The following TTN variants were observed in gnomAD, a reference collection of about 807,000 sequenced individuals.
TTN encodes the protein titin, also known as connectin.
TTN carries 1,525 observed loss-of-function variants against 3,223.0 expected under a neutral mutation model. The ratio of observed to expected loss-of-function variants is 0.47; its 90% CI spans 0.45 to 0.49. TTN has a LOEUF of 0.49. Among genes scored for constraint, TTN ranks in the 20% least tolerant of loss-of-function variants. The pLI, the probability that TTN is intolerant of heterozygous loss-of-function variation, is 0.00. For missense variants in TTN, 40,786 were observed against 43,424.0 expected (o/e 0.94, Z 5.40); for synonymous variants, 14,094 against 15,161.0 (o/e 0.93, Z 5.17).
At position 178,532,526 on chromosome 2, in the gene TTN, T is replaced by C. The variant is rs1177374613; in HGVS notation, c.104089A>G (p.Ser34697Gly). 2 of 1,613,952 alleles carry C rather than the reference T, an allele frequency of 1.2e-6. No homozygotes were observed. Among genetic ancestry groups the C allele is most frequent in the Admixed American group, 3.3e-5 (2 of 60,012 alleles). The change falls in exon 358 of 363, where the codon AGT (serine) becomes GGT (glycine). Residue 34697 changes from serine to glycine, a missense_variant. Coordinates refer to ENST00000589042, the MANE Select transcript of TTN (RefSeq NM_001267550.2). Reference protein sequence around the residue: ...LELGFSASPPSRSPPHFELSS... With the variant: ...LELGFSASPPGRSPPHFELSS... ...AGCTCAAAGTGTGGAGGGCTTCGACTTGGGGGTGAAGCTGAAAAACCTAAC... is the reference window on the plus strand; with the variant it reads ...AGCTCAAAGTGTGGAGGGCTTCGACCTGGGGGTGAAGCTGAAAAACCTAAC...
chr2:178,562,204 A>G lies in TTN; in HGVS notation c.83928T>C (p.Ala27976=). Residue 27976 remains alanine (A), a synonymous_variant, in exon 326 of 363, where the codon GCT becomes GCC. Coordinates refer to ENST00000589042, the MANE Select transcript of TTN (RefSeq NM_001267550.2). ...ELPFHTFNVK[A]REQLKIDVPF... Reference sequence around the variant, plus strand: ...GCACATCAATCTTAAGTTGTTCTCTAGCCTTTACATTGAAAGTATGGAAAG... The same window carrying G: ...GCACATCAATCTTAAGTTGTTCTCTGGCCTTTACATTGAAAGTATGGAAAG... 1 of 1,612,824 alleles carries G rather than the reference A, an allele frequency of 6.2e-7. No homozygotes were observed. Among genetic ancestry groups the G allele is most frequent in the South Asian group, 1.1e-5 (1 of 90,938 alleles).
chr2:178,726,592 G>A (rs927791184), intron 69 of TTN: 2 of 152,252 alleles, frequency 1.3e-5, no homozygotes, highest in Non-Finnish European at 2.9e-5. Flanking sequence ...TTGTACCAAG[G>A]TATAGTCATA....
In TTN at chr2:178,608,752, A is replaced by G. The variant is rs1295267229; in HGVS notation, c.52259T>C (p.Val17420Ala). 1.9e-6 allele frequency: 3 copies of G among 1,612,664 alleles called. No homozygotes were observed. The highest frequency in any genetic ancestry group is 2.5e-6 in the Non-Finnish European group (3 of 1,179,242). ...GCAATGTCTAAGTGTTGAAGTGACA[A>G]CAATCCATTCTGAGTCGGGTTTTGT... Reference protein sequence around the residue: ...DKTKPDSEWIVVTSTLRHCKY... With the variant: ...DKTKPDSEWIAVTSTLRHCKY... Residue 17420 changes from valine to alanine, a missense_variant, in exon 274 of 363, where the codon GTT (valine) becomes GCT (alanine). Transcript: ENST00000589042.
chr2:178,651,257 A>T lies in TTN; in HGVS notation c.39611T>A (p.Val13204Asp). The T allele has an allele frequency of 6.2e-7, 1 of 1,613,056 alleles. No homozygotes were observed. The highest frequency in any genetic ancestry group is 8.5e-7 in the Non-Finnish European group (1 of 1,179,364). ...GTGACATGTACCTTTTGCTGGTGGG[A>T]CTTCTGGCTTTTTGGGAACAGCTAC... ...KKVAVPKKPE[V>D]PPAKVPEVPK... The change falls in exon 208 of 363, where the codon GTC (valine) becomes GAC (aspartate). Residue 13204 changes from valine to aspartate, a missense_variant. Val to Asp is a radical substitution (Grantham distance 152, BLOSUM62 -3). Transcript: ENST00000589042.
At position 178,681,088 on chromosome 2, in the gene TTN, C is replaced by A; in HGVS notation, c.33331G>T (p.Ala11111Ser). 6.3e-7 allele frequency: 1 copy of A among 1,599,902 alleles called. No individual in the cohort carries two copies. Among genetic ancestry groups the A allele is most frequent in the Non-Finnish European group, 8.5e-7 (1 of 1,175,516 alleles). Reference sequence around the variant, plus strand: ...AAGGAAATCATTATACCTTTAGCAGCGGGTTCAGTCACCTGCTCTTTTTCA... The same window carrying A: ...AAGGAAATCATTATACCTTTAGCAGAGGGTTCAGTCACCTGCTCTTTTTCA... ...KREKEQVTEP[A>S]AKVPMKPKRV... The change falls in exon 138 of 363, where the codon GCT becomes TCT. Residue 11111 changes from alanine to serine, a missense_variant. Transcript: ENST00000589042.
Position 178,771,216 on chromosome 2 carries a change from A to T in TTN, c.8111T>A (p.Val2704Asp). ...ATSKTSAKLK[V>D]EAVKIKKTLK... ...ACAAATCCTATGTTACTTGCCTTCA[A>T]CTTTGAGTTTGGCAGATGTTTTGGA... is the stretch of plus-strand genomic sequence containing the variant. The change falls in exon 34 of 363, where the codon GTT becomes GAT. Residue 2704 changes from valine (V) to aspartate (D), a missense_variant. Coordinates refer to ENST00000589042, the MANE Select transcript of TTN (RefSeq NM_001267550.2). 6.2e-7 allele frequency: 1 copy of T among 1,614,050 alleles called. No homozygotes were observed. Among genetic ancestry groups the T allele is most frequent in the Non-Finnish European group, 8.5e-7 (1 of 1,179,984 alleles).
chr2:178,538,727 C>G lies in TTN; in HGVS notation c.99102G>C (p.Trp33034Cys), dbSNP rs397517778. Residue 33034 changes from tryptophan (W) to cysteine (C), a missense_variant, in exon 354 of 363, where the codon TGG (tryptophan) becomes TGC (cysteine). Coordinates refer to ENST00000589042, the MANE Select transcript of TTN (RefSeq NM_001267550.2). The part of the protein sequence containing the change: ...CDGGKEILGY[W>C]VEYRQSGDSA... ...TGTCTCCAGACTGTCTATATTCAAC[C>G]CAGTATCCAAGAATTTCTTTACCAC... 98 of 1,613,730 alleles carry G rather than the reference C, an allele frequency of 6.1e-5. 1 individual carries two copies. In the East Asian group the frequency reaches 2.0e-3, roughly 33 times the overall value.
intron 47 of TTN, chr2:178,746,531 T>C: frequency 6.2e-7 from 1 of 1,613,174 alleles, no homozygotes; most frequent in Non-Finnish European, 8.5e-7. Flanking sequence ...CTCCATGACA[T>C]GCTGATGTGT....
chr2:178,748,213 A>G, intron 47 of TTN: 3 of 1,613,118 alleles, frequency 1.9e-6, no homozygotes, highest in Non-Finnish European at 2.5e-6. Flanking sequence ...ATGATTCACT[A>G]TAGATTTCTT....
At position 178,717,433 on chromosome 2, in the gene TTN, T is replaced by C. The variant is rs148988094; in HGVS notation, c.25352-51A>G. On this transcript the variant is annotated intron_variant, in intron 87 of 362. Coordinates refer to ENST00000589042, the MANE Select transcript of TTN (RefSeq NM_001267550.2). ...TGATTTTTATTTCCATGCTCTCACATACAGAGCAGAAACTAAATGGCACCA... is the reference window on the plus strand; with the variant it reads ...TGATTTTTATTTCCATGCTCTCACACACAGAGCAGAAACTAAATGGCACCA... 2.8e-5 allele frequency: 44 copies of C among 1,573,612 alleles called. No homozygotes were observed. In the East Asian group the frequency reaches 8.1e-4, roughly 29 times the overall value.
At position 178,579,053 on chromosome 2, in the gene TTN, T is replaced by C. The variant is rs1440927665; in HGVS notation, c.67977A>G (p.Glu22659=). The C allele has an allele frequency of 1.2e-6, 2 of 1,613,278 alleles. No homozygotes were observed. The highest frequency in any genetic ancestry group is 1.7e-6 in the Non-Finnish European group (2 of 1,179,508). The part of the protein sequence containing the change: ...GPIKFDEVTA[E]AMTLKWAPPK... The stretch of plus-strand genomic sequence containing the variant: ...GAGGAGCCCACTTTAAGGTCATGGC[T>C]TCTGCTGTGACTTCATCAAATTTGA... Residue 22659 remains glutamate (E), a synonymous_variant, in exon 320 of 363, where the codon GAA becomes GAG. Transcript: ENST00000589042.
rs995394410 is a variant in TTN, at chr2:178,630,481, T to C, written c.44155-114A>G. 5.3e-6 allele frequency: 7 copies of C among 1,322,690 alleles called. No individual in the cohort carries two copies. The African/African-American group carries it at 9.0e-5, about 17-fold the overall frequency. The allele number at this position is 1,322,690 out of a possible 1,614,324, so 81.9% of individuals were successfully genotyped here. ...CAACAAATAAATGGTGATGAAACTT[T>C]ATATAACTTTGAGCTCTTTTTTTAG... On this transcript the variant is annotated intron_variant, in intron 238 of 362. Coordinates refer to ENST00000589042, the MANE Select transcript of TTN (RefSeq NM_001267550.2).
At position 178,565,517 on chromosome 2, in the gene TTN, A is replaced by G. The variant is rs1167097128; in HGVS notation, c.80615T>C (p.Ile26872Thr). Residue 26872 changes from isoleucine to threonine, a missense_variant, in exon 326 of 363, where the codon ATA (isoleucine) becomes ACA (threonine). Transcript: ENST00000589042. Reference protein sequence around the residue: ...SDPRVLGVPVIAKDLTIQPSL... With the variant: ...SDPRVLGVPVTAKDLTIQPSL... The stretch of plus-strand genomic sequence containing the variant: ...AGGCTGTATAGTCAAGTCCTTGGCT[A>G]TGACAGGAACACCCAACACTCTTGG... 2.5e-6 allele frequency: 4 copies of G among 1,613,522 alleles called. No individual in the cohort carries two copies. The highest frequency in any genetic ancestry group is 3.4e-6 in the Non-Finnish European group (4 of 1,179,608).
rs748056655 is a variant in TTN at position 178,774,487 on chromosome 2, C to G, written c.6791-14G>C. 1 of 1,610,124 alleles carries G rather than the reference C, an allele frequency of 6.2e-7. No homozygotes were observed. Among genetic ancestry groups the G allele is most frequent in the Admixed American group, 1.7e-5 (1 of 59,934 alleles). ...CAACAACTGCACCTGAAGTGTATAA[C>G]AGAAAGATAAATCAATTTTTTTGGA... On this transcript the variant is annotated splice_polypyrimidine_tract_variant and intron_variant, in intron 29 of 362. Coordinates refer to ENST00000589042, the MANE Select transcript of TTN (RefSeq NM_001267550.2).
chr2:178,602,590 A>G lies in TTN; in HGVS notation c.54812T>C (p.Phe18271Ser), dbSNP rs727503601. The G allele has an allele frequency of 6.7e-7, 1 of 1,485,600 alleles. No individual in the cohort carries two copies. The highest frequency in any genetic ancestry group is 8.9e-7 in the Non-Finnish European group (1 of 1,120,532). 92.0% of individuals were successfully genotyped at this position (1,485,600 alleles called of 1,614,324 possible). The change falls in exon 283 of 363, where the codon TTT becomes TCT. Residue 18271 changes from phenylalanine to serine, a missense_variant and splice_region_variant. Phe to Ser is a radical substitution (Grantham distance 155). Coordinates refer to ENST00000589042, the MANE Select transcript of TTN (RefSeq NM_001267550.2). The stretch of plus-strand genomic sequence containing the variant: ...TGGGCAAGAAGGTGGCCCCGGTGGA[A>G]CTAATAACAAAAGAAAAAAAAAAGC... ...SDPEVAGDPIFPPGPPSCPEV... is the reference protein window; with the variant it reads ...SDPEVAGDPISPPGPPSCPEV...
rs1199616569 is a variant in TTN, at chr2:178,731,843, G to T, written c.17032C>A (p.Arg5678=). The T allele has an allele frequency of 6.2e-7, 1 of 1,613,744 alleles. No individual in the cohort carries two copies. Among genetic ancestry groups the T allele is most frequent in the Non-Finnish European group, 8.5e-7 (1 of 1,179,732 alleles). Residue 5678 remains arginine, a synonymous_variant, in exon 58 of 363, where the codon CGA becomes AGA. Transcript: ENST00000589042. ...ITWFKDNTIL[R]SGRKYKTFIQ... is the part of the protein sequence containing the mutation. ...AAAGTCTTATACTTTCTACCACTTCGCAGGATTGTGTTATCTTTGAACCAA... is the reference window on the plus strand; with the variant it reads ...AAAGTCTTATACTTTCTACCACTTCTCAGGATTGTGTTATCTTTGAACCAA...
At position 178,587,710 on chromosome 2, in the gene TTN, C is replaced by T. The variant is rs1313160165; in HGVS notation, c.63599G>A (p.Gly21200Glu). 4 of 1,612,866 alleles carry T rather than the reference C, an allele frequency of 2.5e-6. No homozygotes were observed. The highest frequency in any genetic ancestry group is 3.4e-6 in the Non-Finnish European group (4 of 1,179,366). ...CCAAGTGACTTTAGGGGCTGGTCGT[C>T]CTCTCACTATAGCAAAGAGACGAAT... is the stretch of plus-strand genomic sequence containing the variant. ...CPIRLFAIVRGRPAPKVTWRK... is the reference protein window; with the variant it reads ...CPIRLFAIVRERPAPKVTWRK... The change falls in exon 306 of 363, where the codon GGA becomes GAA. Residue 21200 changes from glycine (G) to glutamate (E), a missense_variant. By Grantham distance (98) the Gly-to-Glu change is moderately conservative. Transcript: ENST00000589042.
chr2:178,619,194 G>A (rs2057877925), intron 250 of TTN: 1 of 364,970 alleles, frequency 2.7e-6, no homozygotes. Context: ...ATAAATCAGA[G>A]AAACTTTTTT....
chr2:178,551,770 G>T lies in TTN; in HGVS notation c.91130C>A (p.Ser30377Ter). The T allele has an allele frequency of 6.2e-7, 1 of 1,613,834 alleles. No individual in the cohort carries two copies. The highest frequency in any genetic ancestry group is 8.5e-7 in the Non-Finnish European group (1 of 1,179,790). ...TCTATATTCTCTTCCAGAGATTGGT[G>T]ATGTATTAACTTTTTGCCAGAGGAT... ...NSILWQKVNTSPISGREYRAT... is the reference protein window; with the variant it reads ...NSILWQKVNT Residue 30377 changes from serine to a stop codon, truncating the protein, a stop_gained, in exon 335 of 363, where the codon TCA becomes TAA. Transcript: ENST00000589042. LOFTEE classifies it high-confidence loss of function.
Sources: allele counts gnomAD v4.1 joint callset, GRCh38; gene constraint gnomAD v4.1.1; transcripts MANE v1.5; gene names NCBI Gene and HGNC (gene_info 2026-07-23, HGNC 2026-07-21).